The following CREB3L4 variants were observed in gnomAD, a reference collection of about 807,000 sequenced individuals.
CREB3L4 encodes the protein cyclic AMP-responsive element-binding protein 3-like protein 4.
A neutral mutation model predicts 37.0 loss-of-function variants in CREB3L4; 28 were observed. The observed-to-expected ratio is 0.76, with a 90% CI of 0.56 to 1.04. The LOEUF (loss-of-function observed/expected upper bound fraction) is 1.04. Among genes scored for constraint, CREB3L4 ranks in the 50% least tolerant of loss-of-function variants. The pLI, the probability that CREB3L4 is intolerant of heterozygous loss-of-function variation, is 0.00. For missense variants in CREB3L4, 462 were observed against 486.0 expected (o/e 0.95, Z 0.46); for synonymous variants, 175 against 192.2 (o/e 0.91, Z 0.74).
In CREB3L4 at chr1:153,967,963, A is replaced by G. The variant is rs1046690846; in HGVS notation, c.-206A>G. The G allele has an allele frequency of 1.3e-5, 2 of 152,378 alleles. No homozygotes were observed. The highest frequency in any genetic ancestry group is 2.9e-5 in the Non-Finnish European group (2 of 68,160). The allele number at this position is 152,378 out of a possible 1,614,324, so 9.4% of individuals were successfully genotyped here. On this transcript the variant is annotated 5_prime_UTR_variant, in exon 1 of 10. Transcript: ENST00000368607. ...CAAAAGCGAGGGCTACAGAACAGGCATTCAGGAGTCCTGTGCTCCAGTCAC... is the reference window on the plus strand; with the variant it reads ...CAAAAGCGAGGGCTACAGAACAGGCGTTCAGGAGTCCTGTGCTCCAGTCAC...
chr1:153,973,706 G>A lies in CREB3L4; in HGVS notation c.984G>A (p.Gln328=). The change falls in exon 9 of 10, where the codon CAG becomes CAA. Residue 328 remains glutamine, a synonymous_variant. Transcript: ENST00000368607. The stretch of plus-strand genomic sequence containing the variant: ...CAGAAGCTGGGTCTGAGGATTACCA[G>A]CCTCACGGAGGTGAGAGGCAAGGGC... ...SRPEAGSEDY[Q]PHGVTSRNIL... 1.9e-6 allele frequency: 3 copies of A among 1,600,282 alleles called. No individual in the cohort carries two copies. In the South Asian group the frequency reaches 3.4e-5, roughly 18 times the overall value.
In CREB3L4 at chr1:153,969,443, C is replaced by T. The variant is rs1648124490; in HGVS notation, c.531C>T (p.Pro177=). Residue 177 remains proline, a synonymous_variant, in exon 4 of 10, where the codon CCC becomes CCT. Transcript: ENST00000368607. The part of the protein sequence containing the change: ...LPRAGTVAPV[P]CTTLLPCQTL... ...GAGCAGGCACCGTAGCCCCAGTGCC[C>T]TGTACAACCCTGGTGAGTCTTGGTG... 1.2e-6 allele frequency: 2 copies of T among 1,614,150 alleles called. No homozygotes were observed. The highest frequency in any genetic ancestry group is 1.7e-6 in the Non-Finnish European group (2 of 1,180,016).
rs141036019 is a variant in CREB3L4, at chr1:153,973,519, G to A, written c.897+55G>A. ...CCCCACACTTCTATCCTTATACCCC[G>A]ACTACCCGGCCAGATCTACTTCCCA... On this transcript the variant is annotated intron_variant, in intron 8 of 9. Transcript: ENST00000368607. The A allele has an allele frequency of 4.9e-3, 7,715 of 1,579,908 alleles. 38 individuals carry two copies. Among genetic ancestry groups the A allele is most frequent in the South Asian group, 0.017 (1,535 of 90,236 alleles).
intron 5 of CREB3L4, 51 bp downstream of exon 5, chr1:153,972,887 T>A (rs763486348): frequency 2.5e-6 from 4 of 1,599,862 alleles, no homozygotes; most frequent in Non-Finnish European, 3.4e-6. Context: ...CACCATGACC[T>A]CTGAGGGGCC....
Position 153,973,016 on chromosome 1 carries a change from C to A in CREB3L4, c.681C>A (p.Asn227Lys). The change falls in exon 6 of 10, where the codon AAC becomes AAA. Residue 227 changes from asparagine (N) to lysine (K), a missense_variant. Coordinates refer to ENST00000368607, the MANE Select transcript of CREB3L4 (RefSeq NM_001255978.2). ...VLKKVRRKIR[N>K]KQSAQDSRRR... ...AGAAGGTCAGGAGGAAAATCCGTAA[C>A]AAGCAGTCAGCTCAGGACAGTCGGC... 1.2e-6 allele frequency: 2 copies of A among 1,614,186 alleles called. No homozygotes were observed. Among genetic ancestry groups the A allele is most frequent in the Non-Finnish European group, 1.7e-6 (2 of 1,180,036 alleles).
intron 4 of CREB3L4, among the ~76,000 whole-genome samples, chr1:153,971,367 CAA>C (rs201393510): frequency 7.1e-6 from 1 of 140,796 alleles, no homozygotes; most frequent in Non-Finnish European, 1.6e-5. Flanking sequence ...GACTCCGTCT[CAA>C]AAAAAAAAAG....
rs879387917 is a variant in CREB3L4 at position 153,974,331 on chromosome 1, T to G, written c.*266T>G. The G allele has an allele frequency of 1.9e-4, 83 of 446,226 alleles. No individual in the cohort carries two copies. Among genetic ancestry groups the G allele is most frequent in the Non-Finnish European group, 2.8e-4 (69 of 250,578 alleles). The allele number at this position is 446,226 out of a possible 1,614,324, so 27.6% of individuals were successfully genotyped here. A position where few individuals can be genotyped will look rare whatever the true frequency, so the allele number is the denominator to read the frequency against. Reference sequence around the variant, plus strand: ...TATAGGGTTGAGGGGAAATAAGTTTTGAGTGAGAAATAAACGTTTTAGCTG... The same window carrying G: ...TATAGGGTTGAGGGGAAATAAGTTTGGAGTGAGAAATAAACGTTTTAGCTG... On this transcript the variant is annotated 3_prime_UTR_variant, in exon 10 of 10. Coordinates refer to ENST00000368607, the MANE Select transcript of CREB3L4 (RefSeq NM_001255978.2).
Position 153,974,123 on chromosome 1 carries a change from T to C in CREB3L4, c.*58T>C, listed in dbSNP as rs1017611874. The stretch of plus-strand genomic sequence containing the variant: ...TCACAAGGAATCCTGGGCTTCCTTA[T>C]GGCTTTGCTTCCCACTGGGATTCCT... On this transcript the variant is annotated 3_prime_UTR_variant, in exon 10 of 10. Coordinates refer to ENST00000368607, the MANE Select transcript of CREB3L4 (RefSeq NM_001255978.2). 12 of 1,531,648 alleles carry C rather than the reference T, an allele frequency of 7.8e-6. No individual in the cohort carries two copies. Among genetic ancestry groups the C allele is most frequent in the African/African-American group, 1.4e-5 (1 of 73,106 alleles). The allele number at this position is 1,531,648 out of a possible 1,614,324, so 94.9% of individuals were successfully genotyped here.
Position 153,973,279 on chromosome 1 carries a change from G to T in CREB3L4, c.812+16G>T, listed in dbSNP as rs918036161. 1 of 1,613,692 alleles carries T rather than the reference G, an allele frequency of 6.2e-7. No homozygotes were observed. The highest frequency in any genetic ancestry group is 2.2e-5 in the East Asian group (1 of 44,882). On this transcript the variant is annotated intron_variant, in intron 7 of 9. Coordinates refer to ENST00000368607, the MANE Select transcript of CREB3L4 (RefSeq NM_001255978.2). ...GGCACAACATGTGAGTGAAAGCATT[G>T]TGTGTGTATGTGTGTTTTGAAGGCA...
At chr1:153,972,581 T>G (rs1465164916) in intron 4 of CREB3L4, among the ~76,000 whole-genome samples, 163 bp from the exon 5 acceptor site, 1 of 152,094 alleles carries the variant, frequency 6.6e-6, no homozygotes, top group Non-Finnish European at 1.5e-5. Flanking sequence ...ATCTAGAGCC[T>G]GTCTGAATTA....
chr1:153,973,126 T>C, intron 6 of CREB3L4, 48 bp downstream of exon 6: 1 of 1,609,432 alleles, frequency 6.2e-7, no homozygotes, highest in Non-Finnish European at 8.5e-7. Flanking sequence ...TCTGGGCCCC[T>C]TCCTCACCAT....
chr1:153,968,997 C>T lies in CREB3L4; in HGVS notation c.242C>T (p.Ser81Leu), dbSNP rs1452555242. 1.9e-6 allele frequency: 3 copies of T among 1,614,032 alleles called. No homozygotes were observed. The Admixed American group carries it at 5.0e-5, about 27-fold the overall frequency. ...LFIDPNEVYC[S>L]EASPGSDSGI... ...ATTGATCCCAATGAGGTGTACTGCT[C>T]AGAAGCATCTCCTGGCAGTGACAGT... is the stretch of plus-strand genomic sequence containing the variant. The change falls in exon 3 of 10, where the codon TCA becomes TTA. Residue 81 changes from serine to leucine, a missense_variant. Coordinates refer to ENST00000368607, the MANE Select transcript of CREB3L4 (RefSeq NM_001255978.2).
In CREB3L4 at chr1:153,967,982, C is replaced by T. The variant is rs1436821640; in HGVS notation, c.-187C>T. On this transcript the variant is annotated 5_prime_UTR_variant, in exon 1 of 10. Coordinates refer to ENST00000368607, the MANE Select transcript of CREB3L4 (RefSeq NM_001255978.2). ...ACAGGCATTCAGGAGTCCTGTGCTC[C>T]AGTCACAGCCTTTTCTGTTCTTCAG... 2 of 152,570 alleles carry T rather than the reference C, an allele frequency of 1.3e-5. No homozygotes were observed. The highest frequency in any genetic ancestry group is 2.4e-5 in the African/African-American group (1 of 41,450). 9.5% of individuals were successfully genotyped at this position (152,570 alleles called of 1,614,324 possible). A position where few individuals can be genotyped will look rare whatever the true frequency, so the allele number is the denominator to read the frequency against.
intron 4 of CREB3L4, 72 bp downstream of exon 4, chr1:153,969,527 G>T: frequency 6.4e-7 from 1 of 1,552,202 alleles, no homozygotes; most frequent in Non-Finnish European, 8.8e-7. Flanking sequence ...GCAAAGGGAT[G>T]AGGGAATGGA....
In CREB3L4 at chr1:153,968,620, G is replaced by GC. The variant is rs753526054; in HGVS notation, c.101dup (p.Pro35SerfsTer7). 7.7e-5 allele frequency: 125 copies of GC among 1,613,892 alleles called. No individual in the cohort carries two copies. The highest frequency in any genetic ancestry group is 9.7e-5 in the Non-Finnish European group (115 of 1,179,992). On this transcript the variant is annotated frameshift_variant, in exon 2 of 10. Transcript: ENST00000368607. LOFTEE classifies it high-confidence loss of function. ...TCCGTCCTGGAGCTGGGACTCCACT[G>GC]CCCCCCTCCAGAGGTTCCGGTAACT...
intron 7 of CREB3L4, 46 bp downstream of exon 7, chr1:153,973,309 C>A: frequency 6.2e-7 from 1 of 1,609,138 alleles, no homozygotes. Context: ...AAGGCAGGTA[C>A]AGCACACAGG....
In CREB3L4 at chr1:153,969,070, G is replaced by A. The variant is rs1335947901; in HGVS notation, c.315G>A (p.Arg105=). The change falls in exon 3 of 10, where the codon AGG becomes AGA. Residue 105 remains arginine, a synonymous_variant. Transcript: ENST00000368607. ...ATCCAGACAGTCCCCCTGCCCCCAG[G>A]GCAACCAGTTCTCCTATGCTCTATG... ...PCHPDSPPAP[R]ATSSPMLYEV... The A allele has an allele frequency of 1.2e-6, 2 of 1,614,068 alleles. No individual in the cohort carries two copies. The highest frequency in any genetic ancestry group is 2.2e-5 in the East Asian group (1 of 44,894).
chr1:153,968,838 C>A, intron 2 of CREB3L4, 92 bp from the exon 3 acceptor site: 1 of 1,524,336 alleles, frequency 6.6e-7, no homozygotes, highest in East Asian at 2.3e-5. Context: ...GTCTCCATGC[C>A]CAAGAAGTGA....
At position 153,973,730 on chromosome 1, in the gene CREB3L4, G is replaced by A; in HGVS notation, c.994+14G>A. On this transcript the variant is annotated intron_variant, in intron 9 of 9. Coordinates refer to ENST00000368607, the MANE Select transcript of CREB3L4 (RefSeq NM_001255978.2). The stretch of plus-strand genomic sequence containing the variant: ...AGCCTCACGGAGGTGAGAGGCAAGG[G>A]CAGGGAGCAACCCCTGGCTGAGCAA... 1 of 1,587,904 alleles carries A rather than the reference G, an allele frequency of 6.3e-7. No individual in the cohort carries two copies. The highest frequency in any genetic ancestry group is 8.6e-7 in the Non-Finnish European group (1 of 1,163,582).
Sources: gnomAD v4.1 joint callset for allele counts (sites outside exome capture counted in the v4.1 genomes callset) on GRCh38, gnomAD v4.1.1 for gene constraint, MANE v1.5 for transcripts, NCBI Gene and HGNC (gene_info 2026-07-23, HGNC 2026-07-21) for gene names.